The following RELN variants were observed in gnomAD, a reference collection of about 807,000 sequenced individuals.
RELN encodes reelin.
Under a neutral mutation model 427.6 loss-of-function variants are expected in RELN, and 108 were observed. The observed-to-expected ratio is 0.25, with a 90% confidence interval of 0.22 to 0.30. The LOEUF is 0.30. Ranked by LOEUF, RELN falls within the 10% of genes least tolerant of loss-of-function variation. RELN has a pLI of 1.00. For missense variants in RELN, 3,715 were observed against 4,302.8 expected (o/e 0.86, Z 3.82); for synonymous variants, 1,524 against 1,513.4 (o/e 1.01, Z -0.16).
intron 6 of RELN, among the ~76,000 whole-genome samples, chr7:103,730,286 T>C (rs1237608489): frequency 6.6e-6 from 1 of 152,060 alleles, no homozygotes; most frequent in African/African-American, 2.4e-5. Context: ...AATCAACTAT[T>C]TATCAAGAAA....
chr7:103,737,810 C>A (rs1349806640), intron 6 of RELN, among the ~76,000 whole-genome samples: 4 of 152,164 alleles, frequency 2.6e-5, no homozygotes, highest in African/African-American at 7.2e-5. Flanking sequence ...ATGTTCTAGT[C>A]TTTTCTTGAT....
rs141848948 is a variant in RELN, at chr7:103,719,442, G to A, written c.805+3698C>T. On this transcript the variant is annotated intron_variant, in intron 8 of 64. Transcript: ENST00000428762. The stretch of plus-strand genomic sequence containing the variant: ...GACCCACCCTGTTTACAACAATGCC[G>A]TTTTCTAGAGATTTCATGCTCTCTA... 9.6e-3 allele frequency among the ~76,000 whole-genome samples: 1,460 copies of A among 152,192 alleles called. 9 individuals are homozygous for A. The highest frequency in any genetic ancestry group is 0.011 in the Admixed American group (174 of 15,268).
chr7:103,665,358 GTGTGTATA>G (rs754744811), intron 11 of RELN, among the ~76,000 whole-genome samples: 88 of 131,308 alleles, frequency 6.7e-4, no homozygotes, highest in East Asian at 2.2e-3. Context: ...GTGTGTGTGT[GTGTGTATA>G]TATATATATA....
At chr7:103,553,191 T>G (rs1830450701) in intron 40 of RELN, among the ~76,000 whole-genome samples, 1 of 152,202 alleles carries the variant, frequency 6.6e-6, no homozygotes, top group Admixed American at 6.5e-5. Flanking sequence ...TATGAGCCTT[T>G]TCATTTTTAT....
At chr7:103,904,559 G>A (rs1584351693) in intron 2 of RELN, among the ~76,000 whole-genome samples, 1 of 152,084 alleles carries the variant, frequency 6.6e-6, no homozygotes, top group South Asian at 2.1e-4. Flanking sequence ...CTAAATTCCT[G>A]TATCTATGAT....
At chr7:103,966,828 A>T (rs1796670120) in intron 1 of RELN, among the ~76,000 whole-genome samples, 3 of 152,218 alleles carry the variant, frequency 2.0e-5, no homozygotes, top group Non-Finnish European at 4.4e-5. Flanking sequence ...AAAATTATAC[A>T]CTGAATAAAT....
At chr7:103,877,323 A>G (rs942935558) in intron 2 of RELN, among the ~76,000 whole-genome samples, 1 of 152,144 alleles carries the variant, frequency 6.6e-6, no homozygotes, top group Admixed American at 6.5e-5. Flanking sequence ...ATATCCCAAC[A>G]TGTCTGCCTC....
chr7:103,720,386 T>C (rs946681546), intron 8 of RELN, among the ~76,000 whole-genome samples: 4 of 152,068 alleles, frequency 2.6e-5, no homozygotes, highest in African/African-American at 4.8e-5. Context: ...ATTTCTCCAA[T>C]TGTGGTTATA....
Position 103,657,104 on chromosome 7 carries a change from T to A in RELN, c.1442-2899A>T, listed in dbSNP as rs193292145. On this transcript the variant is annotated intron_variant, in intron 12 of 64. Transcript: ENST00000428762. ...TGTAATTTGGCATATAATAAATATT[T>A]ACTGGATTAGGTAATTTGAACTGAG... 5.5e-4 allele frequency among the ~76,000 whole-genome samples: 84 copies of A among 152,204 alleles called. 1 individual carries two copies. The highest frequency in any genetic ancestry group is 1.9e-3 in the African/African-American group (79 of 41,562).
chr7:103,895,095 C>T (rs181313017), intron 2 of RELN, among the ~76,000 whole-genome samples: 57 of 152,176 alleles, frequency 3.7e-4, no homozygotes, highest in Admixed American at 7.9e-4. Context: ...CTTCTAGGTA[C>T]GACTATTACA....
At chr7:103,720,585 C>T (rs10272484) in intron 8 of RELN, among the ~76,000 whole-genome samples, 10 of 152,024 alleles carry the variant, frequency 6.6e-5, no homozygotes, top group Non-Finnish European at 1.5e-4. Flanking sequence ...CCACAGTACA[C>T]AAGGAAATGT....
At chr7:103,714,378 AG>A (rs1330331729) in intron 8 of RELN, among the ~76,000 whole-genome samples, 1 of 152,234 alleles carries the variant, frequency 6.6e-6, no homozygotes, top group East Asian at 1.9e-4. Flanking sequence ...GTTCAAGACA[AG>A]AGGGAAAATC....
At chr7:103,576,218 G>A (rs982820526) in intron 28 of RELN, among the ~76,000 whole-genome samples, 1 of 152,162 alleles carries the variant, frequency 6.6e-6, no homozygotes, top group African/African-American at 2.4e-5. Context: ...CTGGGTGACA[G>A]GGCGAGACTC....
Position 103,752,675 on chromosome 7 carries a change from A to C in RELN, c.577+507T>G, listed in dbSNP as rs538623536. On this transcript the variant is annotated intron_variant, in intron 5 of 64. Coordinates refer to ENST00000428762, the MANE Select transcript of RELN (RefSeq NM_005045.4). Reference sequence around the variant, plus strand: ...AGTGATCTTCCCACCTCAGCCTCCTAAACTGTTGGGGTTACAGGCATGAGC... The same window carrying C: ...AGTGATCTTCCCACCTCAGCCTCCTCAACTGTTGGGGTTACAGGCATGAGC... Among the ~76,000 whole-genome samples the C allele has an allele frequency of 2.0e-5, 3 of 152,206 alleles. 1 individual carries two copies. Among genetic ancestry groups the C allele is most frequent in the Admixed American group, 2.0e-4 (3 of 15,292 alleles).
intron 2 of RELN, among the ~76,000 whole-genome samples, chr7:103,850,366 A>G (rs1469522485): frequency 6.6e-6 from 1 of 152,186 alleles, no homozygotes; most frequent in Non-Finnish European, 1.5e-5. Context: ...GAAGTTTCCA[A>G]CTTTACCTAG....
At chr7:103,941,355 G>A (rs1206193237) in intron 1 of RELN, among the ~76,000 whole-genome samples, 2 of 152,154 alleles carry the variant, frequency 1.3e-5, no homozygotes, top group Non-Finnish European at 2.9e-5. Context: ...TGTCAAGATT[G>A]TTCGAAGGGC....
intron 10 of RELN, among the ~76,000 whole-genome samples, chr7:103,684,698 A>G (rs1357385420): frequency 6.6e-6 from 1 of 152,170 alleles, no homozygotes; most frequent in African/African-American, 2.4e-5. Flanking sequence ...CTCAGGTTGT[A>G]GAATGGAACC....
intron 2 of RELN, among the ~76,000 whole-genome samples, chr7:103,895,391 G>A (rs1794938266): frequency 6.6e-6 from 1 of 152,214 alleles, no homozygotes; most frequent in South Asian, 2.1e-4. Flanking sequence ...TGAGAATGCC[G>A]AGGGTCATTT....
At chr7:103,514,264 A>G (rs1204592154) in intron 50 of RELN, among the ~76,000 whole-genome samples, 1 of 152,222 alleles carries the variant, frequency 6.6e-6, no homozygotes, top group East Asian at 1.9e-4. Flanking sequence ...ATGTAGTATA[A>G]CAAATATGTG....
Sources: gnomAD v4.1 joint callset for allele counts (sites outside exome capture counted in the v4.1 genomes callset) on GRCh38, gnomAD v4.1.1 for gene constraint, MANE v1.5 for transcripts, NCBI Gene and HGNC (gene_info 2026-07-23, HGNC 2026-07-21) for gene names.